Variants in PCDHGB4 observed in about 807,000 individuals in gnomAD.
The protein encoded by PCDHGB4 is protocadherin gamma-B4.
A neutral mutation model predicts 60.5 loss-of-function variants in PCDHGB4; 38 were observed. The ratio of observed to expected loss-of-function variants is 0.63; its 90% CI spans 0.48 to 0.82. The LOEUF (loss-of-function observed/expected upper bound fraction) is 0.82. Ranked by LOEUF, PCDHGB4 falls within the 40% of genes least tolerant of loss-of-function variation. The pLI is 0.00. For synonymous variants in PCDHGB4, 456 were observed against 509.7 expected (o/e 0.89, Z 1.42); for missense variants, 1,109 against 1,209.6 (o/e 0.92, Z 1.23).
chr5:141,475,008 T>C (rs1292437400), intron 1 of PCDHGB4, among the ~76,000 whole-genome samples: 1 of 152,258 alleles, frequency 6.6e-6, no homozygotes, highest in Admixed American at 6.5e-5. Flanking sequence ...TGCAGAAAAG[T>C]TAAGGCTCTT....
chr5:141,410,781 T>C, intron 1 of PCDHGB4: 2 of 937,378 alleles, frequency 2.1e-6, no homozygotes, highest in Non-Finnish European at 1.5e-6. Flanking sequence ...TCACTATGTA[T>C]TTGGTTCATA....
intron 1 of PCDHGB4, among the ~76,000 whole-genome samples, chr5:141,439,270 A>G (rs1381185021): frequency 6.6e-6 from 1 of 152,140 alleles, no homozygotes; most frequent in African/African-American, 2.4e-5. Flanking sequence ...CCAACAGTTC[A>G]TTCTGAGACT....
rs576983336 is a variant in PCDHGB4, at chr5:141,489,165, G to A, written c.2398-5642G>A. 5.8e-4 allele frequency: 625 copies of A among 1,082,080 alleles called. 8 individuals are homozygous for A. The South Asian group carries it at 7.9e-3, about 14-fold the overall frequency. The allele number at this position is 1,082,080 out of a possible 1,614,324, so 67.0% of individuals were successfully genotyped here. On this transcript the variant is annotated intron_variant, in intron 1 of 3. Transcript: ENST00000519479. The surrounding 1 kb of genome is among the most constrained non-coding windows in gnomAD (Gnocchi z 4.5). ...GAAGGAGACATAAGAGACTTCAGCT[G>A]CTGCATTCCAAGCCCTGGGTCTACC...
rs200790843 is a variant in PCDHGB4 at position 141,432,196 on chromosome 5, C to A, written c.2397+41915C>A. ...TCGTCTCTGTGACCGCCCACGACCCCGACTGTGAAGAGAACGCCCAGATCA... is the reference window on the plus strand; with the variant it reads ...TCGTCTCTGTGACCGCCCACGACCCAGACTGTGAAGAGAACGCCCAGATCA... On this transcript the variant is annotated intron_variant, in intron 1 of 3. Coordinates refer to ENST00000519479, the MANE Select transcript of PCDHGB4 (RefSeq NM_003736.4). This position sits in a 1 kb window ranked among gnomAD's most constrained non-coding sequence, Gnocchi z 6.0. The A allele has an allele frequency of 6.2e-7, 1 of 1,614,192 alleles. No homozygotes were observed.
intron 1 of PCDHGB4, chr5:141,418,035 T>C: frequency 6.2e-7 from 1 of 1,614,000 alleles, no homozygotes; most frequent in Non-Finnish European, 8.5e-7. Context: ...CTTAGTGTCC[T>C]GGATGTGTCG....
chr5:141,394,592 G>C (rs754585576), intron 1 of PCDHGB4: 84 of 1,613,642 alleles, frequency 5.2e-5, no homozygotes, highest in South Asian at 3.7e-4. Context: ...AGGTGGTGGC[G>C]GTGGACAGAG....
intron 1 of PCDHGB4, chr5:141,398,475 T>C (rs1201280028): frequency 2.0e-5 from 32 of 1,607,296 alleles, no homozygotes; most frequent in Admixed American, 1.7e-4. Flanking sequence ...CACTGAACTT[T>C]TATCACGTGA....
chr5:141,445,456 T>A (rs921684111), intron 1 of PCDHGB4, among the ~76,000 whole-genome samples: 8 of 152,218 alleles, frequency 5.3e-5, no homozygotes, highest in Non-Finnish European at 1.0e-4. Flanking sequence ...GATGCAGCAA[T>A]GAACAAGGCA....
intron 1 of PCDHGB4, chr5:141,478,523 G>A: frequency 1.2e-6 from 2 of 1,609,908 alleles, no homozygotes; most frequent in Non-Finnish European, 1.7e-6. Flanking sequence ...GGTGTTGGGT[G>A]CAGAGAGCGC....
intron 1 of PCDHGB4, among the ~76,000 whole-genome samples, chr5:141,475,364 G>C (rs2099362607): frequency 6.6e-6 from 1 of 152,200 alleles, no homozygotes; most frequent in Admixed American, 6.5e-5. Flanking sequence ...AATAAAATCT[G>C]AATTGTACTT....
chr5:141,388,295 C>A lies in PCDHGB4; in HGVS notation c.411C>A (p.Ser137=), dbSNP rs766909730. 13 of 1,613,442 alleles carry A rather than the reference C, an allele frequency of 8.1e-6. No homozygotes were observed. The highest frequency in any genetic ancestry group is 1.1e-5 in the Non-Finnish European group (13 of 1,179,790). Residue 137 remains serine (S), a synonymous_variant, in exon 1 of 4, where the codon TCC becomes TCA. Transcript: ENST00000519479. ...ACACGCCAAAATTCACGCAAAATTC[C>A]TTTGAGCTGCAAATAAGTGAGTCTG... ...NDHTPKFTQN[S]FELQISESAQ... is the part of the protein sequence containing the mutation.
At position 141,476,565 on chromosome 5, in the gene PCDHGB4, C is replaced by A; in HGVS notation, c.2398-18242C>A. 1 of 1,614,184 alleles carries A rather than the reference C, an allele frequency of 6.2e-7. No homozygotes were observed. ...TTGGAGATTAGCGAGGCCGTGGCTC[C>A]GGGGACGCGCTTTCCGCTCGAGAGC... On this transcript the variant is annotated intron_variant, in intron 1 of 3. Coordinates refer to ENST00000519479, the MANE Select transcript of PCDHGB4 (RefSeq NM_003736.4). The surrounding 1 kb of genome is among the most constrained non-coding windows in gnomAD (Gnocchi z 7.6).
Position 141,420,255 on chromosome 5 carries a change from A to T in PCDHGB4, c.2397+29974A>T, listed in dbSNP as rs917458059. The T allele has an allele frequency of 2.5e-6, 4 of 1,569,630 alleles. No homozygotes were observed. The highest frequency in any genetic ancestry group is 1.4e-5 in the African/African-American group (1 of 73,152). On this transcript the variant is annotated intron_variant, in intron 1 of 3. Coordinates refer to ENST00000519479, the MANE Select transcript of PCDHGB4 (RefSeq NM_003736.4). ...ATTTTAACTCCCAGCGTTGAAGCAG[A>T]TAAGAAGATTCTTAAACAGGTAAGT...
At chr5:141,393,284 T>C (rs1462333832) in intron 1 of PCDHGB4, 10 of 1,613,870 alleles carry the variant, frequency 6.2e-6, no homozygotes, top group African/African-American at 2.7e-5. Flanking sequence ...TCCCAGAAGC[T>C]GTTGACCCGG....
rs1374646530 is a variant in PCDHGB4, at chr5:141,431,339, T to C, written c.2397+41058T>C. ...AGCCGACGGTAGTAAGTACCCCGAA[T>C]TGGTGCTGAAACGCGCCCTGGACCG... On this transcript the variant is annotated intron_variant, in intron 1 of 3. Coordinates refer to ENST00000519479, the MANE Select transcript of PCDHGB4 (RefSeq NM_003736.4). This position sits in a 1 kb window ranked among gnomAD's most constrained non-coding sequence, Gnocchi z 4.8. 1 of 1,614,060 alleles carries C rather than the reference T, an allele frequency of 6.2e-7. No individual in the cohort carries two copies. The highest frequency in any genetic ancestry group is 8.5e-7 in the Non-Finnish European group (1 of 1,180,024).
At chr5:141,400,929 A>G (rs1179035412) in intron 1 of PCDHGB4, among the ~76,000 whole-genome samples, 2 of 152,214 alleles carry the variant, frequency 1.3e-5, no homozygotes, top group Non-Finnish European at 2.9e-5. Flanking sequence ...CTGCTAGTAG[A>G]TGTCTTTCTT....
At chr5:141,426,714 C>T (rs779529448) in intron 1 of PCDHGB4, 2 of 444,724 alleles carry the variant, frequency 4.5e-6, no homozygotes, top group South Asian at 3.1e-5. Flanking sequence ...AATCAATGAA[C>T]TAGCAATTCC....
At chr5:141,413,222 G>T in intron 1 of PCDHGB4, 1 of 1,613,796 alleles carries the variant, frequency 6.2e-7, no homozygotes, top group Admixed American at 1.7e-5. Flanking sequence ...GATTGCAGCG[G>T]GCTGGTCCTG....
At chr5:141,496,838 T>C (rs182118142) in intron 2 of PCDHGB4, among the ~76,000 whole-genome samples, 39 of 150,790 alleles carry the variant, frequency 2.6e-4, no homozygotes, top group African/African-American at 8.3e-4. Flanking sequence ...CCAGAACTCA[T>C]AGGCTTCCAG....
Sources: gnomAD v4.1 joint callset for allele counts (sites outside exome capture counted in the v4.1 genomes callset) on GRCh38, gnomAD v4.1.1 for gene constraint, Gnocchi (gnomAD v3.1) non-coding constraint, MANE v1.5 for transcripts, NCBI Gene and HGNC (gene_info 2026-07-23, HGNC 2026-07-21) for gene names.